The following SNTG2 variants were observed in gnomAD, a reference collection of about 807,000 sequenced individuals.
SNTG2 encodes gamma-2-syntrophin.
SNTG2 carries 74 observed loss-of-function variants against 70.9 expected under a neutral mutation model. That is an observed-to-expected ratio of 1.04 (90% CI 0.86 to 1.27). The LOEUF (loss-of-function observed/expected upper bound fraction) is 1.27. Among genes scored for constraint, SNTG2 ranks in the 50% most tolerant of loss-of-function variants. The pLI, the probability that SNTG2 is intolerant of heterozygous loss-of-function variation, is 0.00. For synonymous variants in SNTG2, 278 were observed against 273.8 expected, an observed-to-expected ratio of 1.02 and a Z score of -0.15; for missense variants, 717 against 690.7, an observed-to-expected ratio of 1.04 and a Z score of -0.43.
chr2:1,258,064 C>T (rs1414208623), intron 12 of SNTG2, among the ~76,000 whole-genome samples: 1 of 152,112 alleles, frequency 6.6e-6, no homozygotes, highest in Non-Finnish European at 1.5e-5. Flanking sequence ...ATAAAACCAG[C>T]ACCTGAGCTC....
intron 8 of SNTG2, among the ~76,000 whole-genome samples, chr2:1,202,864 CATA>C (rs1208589335): frequency 6.6e-6 from 1 of 152,028 alleles, no homozygotes; most frequent in Non-Finnish European, 1.5e-5. Context: ...ATCAGGAAAA[CATA>C]ATAATTGTAA....
chr2:1,099,374 C>T (rs753693648), intron 4 of SNTG2, among the ~76,000 whole-genome samples: 10 of 152,168 alleles, frequency 6.6e-5, no homozygotes, highest in Non-Finnish European at 1.5e-4. Flanking sequence ...TGGCTGTGTC[C>T]CTGGAGGGGA....
intron 9 of SNTG2, among the ~76,000 whole-genome samples, chr2:1,227,233 T>C (rs946823750): frequency 1.3e-5 from 2 of 152,252 alleles, no homozygotes; most frequent in African/African-American, 2.4e-5. Context: ...CCAGTGATGA[T>C]GAAATAGCTC....
intron 16 of SNTG2, among the ~76,000 whole-genome samples, chr2:1,340,432 A>G (rs1228515669): frequency 6.6e-6 from 1 of 152,234 alleles, no homozygotes; most frequent in Non-Finnish European, 1.5e-5. Flanking sequence ...ATTCTTTTGC[A>G]AAGTGGGTCA....
rs180978660 is a variant in SNTG2 at position 1,112,027 on chromosome 2, C to T, written c.325+13617C>T. On this transcript the variant is annotated intron_variant, in intron 4 of 16. Transcript: ENST00000308624. ...ACCCTTACAGTCCTTTGAGAAGGAT[C>T]GTGTGTACTAAGTGAGGTTTTACCC... is the stretch of plus-strand genomic sequence containing the variant. 8.4e-4 allele frequency among the ~76,000 whole-genome samples: 123 copies of T among 146,024 alleles called. 6 individuals carry two copies. Among genetic ancestry groups the T allele is most frequent in the East Asian group, 4.8e-3 (24 of 4,992 alleles).
intron 16 of SNTG2, among the ~76,000 whole-genome samples, chr2:1,323,003 A>G (rs993906969): frequency 6.6e-6 from 1 of 152,060 alleles, no homozygotes; most frequent in African/African-American, 2.4e-5. Flanking sequence ...ACTTTTCTCA[A>G]TAACCCTGTA....
chr2:1,316,980 A>G (rs1302148695), intron 16 of SNTG2, among the ~76,000 whole-genome samples: 1 of 123,442 alleles, frequency 8.1e-6, no homozygotes, highest in Non-Finnish European at 1.7e-5. Context: ...GCATTGGAGA[A>G]GGTTGGGATT....
At chr2:1,132,136 T>C (rs1185563594) in intron 4 of SNTG2, among the ~76,000 whole-genome samples, 2 of 152,154 alleles carry the variant, frequency 1.3e-5, no homozygotes, top group African/African-American at 2.4e-5. Flanking sequence ...GTTTCAGAAA[T>C]CTTTCATTTT....
chr2:991,930 G>C (rs1017263755), intron 1 of SNTG2, among the ~76,000 whole-genome samples: 2 of 152,148 alleles, frequency 1.3e-5, no homozygotes, highest in Non-Finnish European at 2.9e-5. Flanking sequence ...GCTTGTAAGT[G>C]ATGCTGTGCT....
intron 16 of SNTG2, among the ~76,000 whole-genome samples, chr2:1,364,953 T>C (rs1661400162): frequency 6.6e-6 from 1 of 152,102 alleles, no homozygotes; most frequent in Admixed American, 6.6e-5. Flanking sequence ...ATGAATGATA[T>C]GGTCATTATG....
intron 8 of SNTG2, among the ~76,000 whole-genome samples, chr2:1,189,855 A>G (rs185785209): frequency 5.3e-5 from 8 of 152,270 alleles, no homozygotes; most frequent in Admixed American, 3.3e-4. Flanking sequence ...CCGGGACTCT[A>G]TCTTATATGG....
intron 9 of SNTG2, among the ~76,000 whole-genome samples, chr2:1,211,252 C>G (rs1438880326): frequency 6.6e-6 from 1 of 152,156 alleles, no homozygotes; most frequent in Non-Finnish European, 1.5e-5. Flanking sequence ...ATGTATCTCT[C>G]TTGACAAAGA....
intron 2 of SNTG2, among the ~76,000 whole-genome samples, chr2:1,085,973 T>G (rs2148179319): frequency 6.6e-6 from 1 of 152,350 alleles, no homozygotes; most frequent in South Asian, 2.1e-4. Context: ...GGAAAGTATT[T>G]TAGAAAATTT....
At chr2:1,281,424 T>G (rs1312704446) in intron 14 of SNTG2, among the ~76,000 whole-genome samples, 1 of 55,126 alleles carries the variant, frequency 1.8e-5, no homozygotes, top group Admixed American at 1.8e-4. Context: ...TGTGTGTGTG[T>G]GGTGTGGTGT....
chr2:1,121,490 T>G (rs1486925749), intron 4 of SNTG2, among the ~76,000 whole-genome samples: 1 of 152,194 alleles, frequency 6.6e-6, no homozygotes, highest in East Asian at 1.9e-4. Context: ...TGGCAAACTC[T>G]TCATCTGTAT....
At chr2:986,283 T>C (rs1661321810) in intron 1 of SNTG2, among the ~76,000 whole-genome samples, 2 of 152,322 alleles carry the variant, frequency 1.3e-5, no homozygotes, top group Middle Eastern at 6.8e-3. Flanking sequence ...CAGACCTCCT[T>C]CTCACACGCT....
chr2:1,134,776 G>A (rs534847122), intron 4 of SNTG2, among the ~76,000 whole-genome samples: 2 of 152,294 alleles, frequency 1.3e-5, no homozygotes, highest in East Asian at 3.9e-4. Context: ...GGAGCAGGGG[G>A]CGTCGCTCGT....
intron 16 of SNTG2, among the ~76,000 whole-genome samples, chr2:1,333,368 A>G (rs1263512633): frequency 6.6e-6 from 1 of 152,190 alleles, no homozygotes. Flanking sequence ...GAAAATGACT[A>G]TACTGCTGAA....
At chr2:1,116,032 A>G (rs546708501) in intron 4 of SNTG2, among the ~76,000 whole-genome samples, 24 of 152,296 alleles carry the variant, frequency 1.6e-4, no homozygotes, top group Admixed American at 2.6e-4. Context: ...TTTCCTTATG[A>G]CCAACACACT....
Sources: gnomAD v4.1 joint callset for allele counts (sites outside exome capture counted in the v4.1 genomes callset) on GRCh38, gnomAD v4.1.1 for gene constraint, MANE v1.5 for transcripts, NCBI Gene and HGNC (gene_info 2026-07-23, HGNC 2026-07-21) for gene names.